OXSR1: variants seen among roughly 807,000 people sequenced by gnomAD.
OXSR1 encodes the protein oxidative stress responsive kinase 1, also known as serine/threonine-protein kinase OSR1.
OXSR1 carries 24 observed loss-of-function variants against 79.8 expected under a neutral mutation model. That is an observed-to-expected ratio of 0.30 (90% confidence interval 0.22 to 0.42). The LOEUF is 0.42. Among genes scored for constraint, OXSR1 ranks in the 10% least tolerant of loss-of-function variants. OXSR1 has a pLI of 1.00. For synonymous variants in OXSR1, 226 were observed against 209.2 expected (o/e 1.08, Z -0.69); for missense variants, 430 against 618.4 (o/e 0.70, Z 3.23).
chr3:38,180,804 G>C (rs1359479831), intron 1 of OXSR1, among the ~76,000 whole-genome samples: 4 of 151,974 alleles, frequency 2.6e-5, no homozygotes, highest in African/African-American at 7.2e-5. Context: ...AAAGTGCTGG[G>C]ATTATAGGCA....
At chr3:38,206,965 A>G (rs1702274566) in intron 4 of OXSR1, among the ~76,000 whole-genome samples, 1 of 152,210 alleles carries the variant, frequency 6.6e-6, no homozygotes, top group African/African-American at 2.4e-5. Context: ...AGTAGTTGTG[A>G]AGATTAAATG....
chr3:38,207,932 TTTCC>T (rs1202436620), intron 4 of OXSR1, among the ~76,000 whole-genome samples: 73 of 95,134 alleles, frequency 7.7e-4, no homozygotes, highest in Middle Eastern at 8.9e-3. Context: ...CTCCCCTCCC[TTTCC>T]TTCCTTCCTT....
chr3:38,244,080 C>A (rs1304189584), intron 12 of OXSR1, among the ~76,000 whole-genome samples: 2 of 152,162 alleles, frequency 1.3e-5, no homozygotes, highest in East Asian at 3.8e-4. Flanking sequence ...ACTGACACTT[C>A]AGGATTATTT....
intron 6 of OXSR1, among the ~76,000 whole-genome samples, chr3:38,222,085 A>G (rs1242652095): frequency 6.6e-6 from 1 of 152,170 alleles, no homozygotes; most frequent in Non-Finnish European, 1.5e-5. Context: ...TATGCTGCGA[A>G]CCGAATTCAT....
At chr3:38,228,083 C>T (rs932065344) in intron 8 of OXSR1, among the ~76,000 whole-genome samples, 1 of 152,190 alleles carries the variant, frequency 6.6e-6, no homozygotes, top group Non-Finnish European at 1.5e-5. Context: ...GCTCTGACTA[C>T]TGTCAGATAC....
chr3:38,246,370 G>A, intron 13 of OXSR1, 149 bp downstream of exon 13: 2 of 707,822 alleles, frequency 2.8e-6, no homozygotes, highest in Non-Finnish European at 4.5e-6. Context: ...TTTTAAGCAT[G>A]TACAGGTAAG....
intron 1 of OXSR1, among the ~76,000 whole-genome samples, chr3:38,169,924 T>C (rs1021977004): frequency 3.3e-5 from 5 of 151,934 alleles, no homozygotes; most frequent in African/African-American, 1.2e-4. Context: ...GAAACTGGGT[T>C]TCGCCACATT....
intron 1 of OXSR1, among the ~76,000 whole-genome samples, chr3:38,179,447 G>A (rs1374459686): frequency 2.0e-5 from 3 of 152,124 alleles, no homozygotes; most frequent in Non-Finnish European, 4.4e-5. Flanking sequence ...GACTACAGGC[G>A]TGAGTCATTA....
chr3:38,204,527 C>A (rs1431403927), intron 4 of OXSR1, among the ~76,000 whole-genome samples: 1 of 151,906 alleles, frequency 6.6e-6, no homozygotes, highest in Non-Finnish European at 1.5e-5. Context: ...TATGCAGGGA[C>A]CAAAGGCTCC....
At chr3:38,177,767 T>G (rs1472227196) in intron 1 of OXSR1, among the ~76,000 whole-genome samples, 3 of 151,994 alleles carry the variant, frequency 2.0e-5, no homozygotes, top group Non-Finnish European at 2.9e-5. Flanking sequence ...TTATTTTTCA[T>G]TTTAGAGACG....
intron 16 of OXSR1, 25 bp from the exon 17 acceptor site, chr3:38,252,303 A>G: frequency 1.3e-6 from 2 of 1,533,726 alleles, no homozygotes; most frequent in South Asian, 2.2e-5. Flanking sequence ...CTCATTCATT[A>G]CCTTCTCTGT....
intron 1 of OXSR1, among the ~76,000 whole-genome samples, chr3:38,181,179 T>G (rs1481636361): frequency 6.6e-6 from 1 of 151,876 alleles, no homozygotes; most frequent in African/African-American, 2.4e-5. Flanking sequence ...ACTGTTAATC[T>G]TGTCTTCAAG....
At chr3:38,168,726 G>T (rs188715309) in intron 1 of OXSR1, among the ~76,000 whole-genome samples, 135 of 152,252 alleles carry the variant, frequency 8.9e-4, no homozygotes, top group Non-Finnish European at 1.4e-3. Context: ...TGTCTCTATA[G>T]ATTTGTCCTT....
At chr3:38,181,600 C>T (rs1701788023) in intron 1 of OXSR1, among the ~76,000 whole-genome samples, 1 of 151,966 alleles carries the variant, frequency 6.6e-6, no homozygotes, top group South Asian at 2.1e-4. Context: ...TCGTGATCCG[C>T]CTGCCTCCCA....
intron 4 of OXSR1, among the ~76,000 whole-genome samples, chr3:38,212,220 A>G (rs1489444713): frequency 1.3e-5 from 2 of 152,198 alleles, no homozygotes; most frequent in Admixed American, 1.3e-4. Context: ...GCTTAGGAGA[A>G]AGTTGTTTCA....
chr3:38,214,657 C>T (rs2125831008), intron 4 of OXSR1, among the ~76,000 whole-genome samples: 1 of 152,336 alleles, frequency 6.6e-6, no homozygotes, highest in Non-Finnish European at 1.5e-5. Context: ...GTAAAGCAGG[C>T]TGGCCTGCAC....
chr3:38,221,697 C>G lies in OXSR1; in HGVS notation c.600+10C>G. 1 of 1,530,968 alleles carries G rather than the reference C, an allele frequency of 6.5e-7. No individual in the cohort carries two copies. Among genetic ancestry groups the G allele is most frequent in the Non-Finnish European group, 9.0e-7 (1 of 1,106,494 alleles). 94.8% of individuals were successfully genotyped at this position (1,530,968 alleles called of 1,614,324 possible). On this transcript the variant is annotated intron_variant, in intron 6 of 17. Transcript: ENST00000311806. ...TGAAGTTATGGAACAGGTACCGTGT[C>G]TTTTTTTCTGTTTTAAATGGGTTAG... is the stretch of plus-strand genomic sequence containing the variant.
chr3:38,176,296 ATC>A (rs1051431846), intron 1 of OXSR1, among the ~76,000 whole-genome samples: 13 of 152,216 alleles, frequency 8.5e-5, no homozygotes, highest in Admixed American at 7.2e-4. Flanking sequence ...TTTTATTTGT[ATC>A]TCTAATCCTT....
chr3:38,221,826 C>A, intron 6 of OXSR1, 139 bp downstream of exon 6: 1 of 519,328 alleles, frequency 1.9e-6, no homozygotes, highest in Non-Finnish European at 3.5e-6. Context: ...GGATTTTAGT[C>A]CACCCTTGAA....
Sources: gnomAD v4.1 joint callset for allele counts (sites outside exome capture counted in the v4.1 genomes callset) on GRCh38, gnomAD v4.1.1 for gene constraint, MANE v1.5 for transcripts, NCBI Gene and HGNC (gene_info 2026-07-23, HGNC 2026-07-21) for gene names.